Variants in MAL2 observed in about 807,000 individuals in gnomAD.
MAL2 encodes protein MAL2.
In MAL2, 17 loss-of-function variants were observed where a neutral mutation model predicts 18.1. The observed-to-expected ratio is 0.94, with a 90% confidence interval of 0.64 to 1.41. The LOEUF (loss-of-function observed/expected upper bound fraction) is 1.41, where lower values mean the gene tolerates loss of function less well. MAL2 is among the 40% of genes most tolerant of loss of function. The probability of loss-of-function intolerance (pLI) is 0.00; values close to 1 mark genes in which losing one functional copy is unlikely to be tolerated. For missense variants in MAL2, 222 were observed against 231.9 expected (o/e 0.96, Z 0.28); for synonymous variants, 102 against 102.3 (o/e 1.00, Z 0.02).
chr8:119,226,537 G>A (rs1817599615), intron 2 of MAL2, among the ~76,000 whole-genome samples: 1 of 151,752 alleles, frequency 6.6e-6, no homozygotes, highest in African/African-American at 2.4e-5. Context: ...CTGAGGCTGA[G>A]GTTGCCCAGG....
chr8:119,242,166 C>T (rs1818061075), intron 3 of MAL2, among the ~76,000 whole-genome samples: 1 of 152,156 alleles, frequency 6.6e-6, no homozygotes, highest in South Asian at 2.1e-4. Flanking sequence ...TTGACAGTCA[C>T]CCTAGAACCT....
intron 2 of MAL2, among the ~76,000 whole-genome samples, chr8:119,227,120 G>T (rs753815790): frequency 2.0e-5 from 3 of 152,188 alleles, no homozygotes; most frequent in Non-Finnish European, 4.4e-5. Context: ...TGCTGTCAAA[G>T]AGTTTGTTGT....
At chr8:119,240,124 AT>A (rs554091744) in intron 2 of MAL2, 40 bp from the exon 3 acceptor site, 1,094 of 1,539,238 alleles carry the variant, frequency 7.1e-4, no homozygotes, top group Admixed American at 1.6e-3. Flanking sequence ...ACAGAAAAAT[AT>A]TTTTTTTTAA....
chr8:119,236,191 CAAAG>C (rs1371378266), intron 2 of MAL2, among the ~76,000 whole-genome samples: 4 of 103,838 alleles, frequency 3.9e-5, no homozygotes, highest in African/African-American at 8.2e-5. Context: ...TCAAAAGAGA[CAAAG>C]AAGGCCATTA....
At chr8:119,236,561 A>G (rs1350843366) in intron 2 of MAL2, among the ~76,000 whole-genome samples, 1 of 151,828 alleles carries the variant, frequency 6.6e-6, no homozygotes, top group African/African-American at 2.4e-5. Flanking sequence ...TCTCCTCAGC[A>G]AATGTAAAAG....
intron 3 of MAL2, among the ~76,000 whole-genome samples, chr8:119,242,374 A>G (rs1587148127): frequency 6.6e-6 from 1 of 152,236 alleles, no homozygotes; most frequent in South Asian, 2.1e-4. Context: ...ACATGCTTCA[A>G]GTTCAACATT....
chr8:119,239,145 A>G (rs1448053353), intron 2 of MAL2, among the ~76,000 whole-genome samples: 1 of 152,266 alleles, frequency 6.6e-6, no homozygotes, highest in Non-Finnish European at 1.5e-5. Context: ...AAAAGAAGAC[A>G]TTTATGCAGC....
At position 119,223,686 on chromosome 8, in the gene MAL2, C is replaced by T. The variant is rs913089802; in HGVS notation, c.303+1929C>T. On this transcript the variant is annotated intron_variant, in intron 2 of 3. Transcript: ENST00000614891. ...AAAAGATGGTAATAGCAATGCACAG[C>T]GTTGATTGTATGGTAGGCATGCTTT... The T allele has an allele frequency of 2.2e-4, 34 of 152,132 alleles. 1 individual carries two copies. Among genetic ancestry groups the T allele is most frequent in the African/African-American group, 1.2e-4 (5 of 41,428 alleles). 9.4% of individuals were successfully genotyped at this position (152,132 alleles called of 1,614,324 possible). A position where few individuals can be genotyped will look rare whatever the true frequency, so the allele number is the denominator to read the frequency against.
intron 2 of MAL2, among the ~76,000 whole-genome samples, chr8:119,235,129 T>C (rs1173388941): frequency 6.6e-6 from 1 of 151,948 alleles, no homozygotes; most frequent in African/African-American, 2.4e-5. Context: ...CTGATGGAGC[T>C]GAAAACCAAG....
intron 1 of MAL2, among the ~76,000 whole-genome samples, chr8:119,211,242 CCCAGGCACTGT>C (rs1327113873): frequency 1.7e-4 from 26 of 152,206 alleles, no homozygotes; most frequent in Admixed American, 6.5e-5. Context: ...GTGAGAATTT[CCCAGGCACTGT>C]CCTAAATGCT....
intron 2 of MAL2, among the ~76,000 whole-genome samples, chr8:119,234,726 C>A (rs905637835): frequency 6.6e-6 from 1 of 151,710 alleles, no homozygotes; most frequent in African/African-American, 2.4e-5. Context: ...CAGGGTATTC[C>A]AACAGACCTG....
intron 1 of MAL2, among the ~76,000 whole-genome samples, chr8:119,211,560 C>T (rs1817268559): frequency 6.6e-6 from 1 of 152,164 alleles, no homozygotes; most frequent in Non-Finnish European, 1.5e-5. Context: ...GTATTCTATT[C>T]ACAGCCTGTC....
chr8:119,220,800 G>C (rs1424726476), intron 1 of MAL2, among the ~76,000 whole-genome samples: 4 of 152,182 alleles, frequency 2.6e-5, no homozygotes, highest in Non-Finnish European at 5.9e-5. Context: ...AGCCCTTGCT[G>C]TGTGGACCTG....
chr8:119,225,787 T>G (rs1817582555), intron 2 of MAL2, among the ~76,000 whole-genome samples: 1 of 152,178 alleles, frequency 6.6e-6, no homozygotes, highest in African/African-American at 2.4e-5. Context: ...ACCTGTTGTT[T>G]CCTGACTTTT....
At chr8:119,238,066 C>T (rs1404929688) in intron 2 of MAL2, among the ~76,000 whole-genome samples, 1 of 152,202 alleles carries the variant, frequency 6.6e-6, no homozygotes, top group Admixed American at 6.5e-5. Context: ...TCTCCTTAAG[C>T]TGATAAGCAA....
At chr8:119,218,268 C>A (rs1299842192) in intron 1 of MAL2, among the ~76,000 whole-genome samples, 1 of 152,128 alleles carries the variant, frequency 6.6e-6, no homozygotes, top group Non-Finnish European at 1.5e-5. Context: ...GCACATACCC[C>A]ACAAGTGAGG....
rs185352893 is a variant in MAL2, at chr8:119,243,349, T to C, written c.460-68T>C. On this transcript the variant is annotated intron_variant, in intron 3 of 3. Transcript: ENST00000614891. ...TTGTTGGTCAAACTTCATATGGTTG[T>C]TCTTTAGGACACTGTTTATAAGTCG... 172 of 1,213,268 alleles carry C rather than the reference T, an allele frequency of 1.4e-4. No homozygotes were observed. In the African/African-American group the frequency reaches 2.0e-3, roughly 14 times the overall value. 75.2% of individuals were successfully genotyped at this position (1,213,268 alleles called of 1,614,324 possible).
At chr8:119,223,413 G>C (rs1371130222) in intron 2 of MAL2, 1 of 152,184 alleles carries the variant, frequency 6.6e-6, no homozygotes, top group Admixed American at 6.5e-5. Flanking sequence ...AATATATTTG[G>C]TATTGAGTAC....
chr8:119,229,311 CTCTTTT>C (rs773750256), intron 2 of MAL2, among the ~76,000 whole-genome samples: 7 of 64,942 alleles, frequency 1.1e-4, no homozygotes, highest in African/African-American at 3.1e-4. Context: ...CACTGTGGGC[CTCTTTT>C]TTTTTTTTTT....
Sources: allele counts gnomAD v4.1 joint callset (sites outside exome capture counted in the v4.1 genomes callset), GRCh38; gene constraint gnomAD v4.1.1; transcripts MANE v1.5; gene names NCBI Gene and HGNC (gene_info 2026-07-23, HGNC 2026-07-21).